Variants in GHR observed in about 807,000 individuals in gnomAD.
The protein encoded by GHR is GH receptor.
GHR carries 35 observed loss-of-function variants against 67.1 expected under a neutral mutation model. The ratio of observed to expected loss-of-function variants is 0.52; its 90% confidence interval spans 0.40 to 0.69. The LOEUF is 0.69. Ranked by LOEUF, GHR falls within the 30% of genes least tolerant of loss-of-function variation. GHR has a pLI of 0.00. For missense variants in GHR, 792 were observed against 764.6 expected (o/e 1.04, Z -0.42); for synonymous variants, 272 against 269.1 (o/e 1.01, Z -0.10).
At chr5:42,529,226 T>C (rs1454253673) in intron 1 of GHR, among the ~76,000 whole-genome samples, 1 of 152,126 alleles carries the variant, frequency 6.6e-6, no homozygotes, top group African/African-American at 2.4e-5. Context: ...TTAGCCAGGA[T>C]GGTCTTCATC....
In GHR at chr5:42,620,157, A is replaced by G. The variant is rs534875179; in HGVS notation, c.71-8881A>G. Among the ~76,000 whole-genome samples the G allele has an allele frequency of 2.6e-5, 4 of 152,260 alleles. No homozygotes were observed. The South Asian group carries it at 8.3e-4, about 32-fold the overall frequency. ...TGTTGACTTTGCCTCAAATTTGAGC[A>G]TTCATGGTTCCAAAAGGACACTTGT... On this transcript the variant is annotated intron_variant, in intron 2 of 9. Transcript: ENST00000230882.
intron 3 of GHR, among the ~76,000 whole-genome samples, chr5:42,678,499 G>T (rs536833243): frequency 3.3e-5 from 5 of 152,010 alleles, no homozygotes; most frequent in African/African-American, 1.2e-4. Flanking sequence ...ATCCCTGATC[G>T]CCATGCTGTC....
intron 3 of GHR, among the ~76,000 whole-genome samples, chr5:42,635,412 A>G (rs1280033624): frequency 1.3e-5 from 2 of 152,348 alleles, no homozygotes; most frequent in South Asian, 2.1e-4. Flanking sequence ...GATATTGCCA[A>G]TGCAATGAGT....
At chr5:42,608,907 A>AT (rs1200389657) in intron 2 of GHR, among the ~76,000 whole-genome samples, 2 of 152,072 alleles carry the variant, frequency 1.3e-5, no homozygotes, top group East Asian at 1.9e-4. Context: ...ATTGTACTCT[A>AT]TTTTTTCTGG....
intron 3 of GHR, among the ~76,000 whole-genome samples, chr5:42,652,665 G>A (rs1016462346): frequency 4.6e-5 from 7 of 152,070 alleles, no homozygotes; most frequent in Non-Finnish European, 8.8e-5. Flanking sequence ...TGTTTACCAG[G>A]TAAACTAAGC....
At chr5:42,606,082 G>A (rs1752617645) in intron 2 of GHR, among the ~76,000 whole-genome samples, 1 of 152,148 alleles carries the variant, frequency 6.6e-6, no homozygotes, top group African/African-American at 2.4e-5. Context: ...AGCTCCCAGA[G>A]CTAGGTGATT....
chr5:42,660,753 T>C (rs1453987815), intron 3 of GHR, among the ~76,000 whole-genome samples: 2 of 152,196 alleles, frequency 1.3e-5, no homozygotes, highest in Admixed American at 1.3e-4. Flanking sequence ...GGAACAAAGC[T>C]GGACGGAGAA....
rs1485368494 is a variant in GHR, at chr5:42,719,371, C to T, written c.1864C>T (p.Leu622Phe). 1.9e-6 allele frequency: 3 copies of T among 1,614,024 alleles called. No individual in the cohort carries two copies. In the Admixed American group the frequency reaches 5.0e-5, roughly 27 times the overall value. The part of the protein sequence containing the change: ...TALPLPDKEF[L>F]SSCGYVSTDQ... Reference sequence around the variant, plus strand: ...CTTGCCCTTGCCTGACAAAGAGTTTCTCTCATCATGTGGCTATGTGAGCAC... The same window carrying T: ...CTTGCCCTTGCCTGACAAAGAGTTTTTCTCATCATGTGGCTATGTGAGCAC... Residue 622 changes from leucine to phenylalanine, a missense_variant, in exon 10 of 10, where the codon CTC becomes TTC. By Grantham distance (22) the Leu-to-Phe change is conservative. Coordinates refer to ENST00000230882, the MANE Select transcript of GHR (RefSeq NM_000163.5).
intron 3 of GHR, among the ~76,000 whole-genome samples, chr5:42,647,145 T>C (rs1221353402): frequency 1.3e-5 from 2 of 152,078 alleles, no homozygotes; most frequent in South Asian, 2.1e-4. Context: ...ATTATAACAT[T>C]ATGGTTGAGA....
intron 1 of GHR, among the ~76,000 whole-genome samples, chr5:42,482,385 A>G (rs1409430766): frequency 1.3e-5 from 2 of 152,142 alleles, no homozygotes; most frequent in African/African-American, 2.4e-5. Flanking sequence ...GCGTGCTGGG[A>G]GAACCACTAC....
At chr5:42,540,844 C>G (rs912573427) in intron 1 of GHR, among the ~76,000 whole-genome samples, 1 of 152,158 alleles carries the variant, frequency 6.6e-6, no homozygotes, top group African/African-American at 2.4e-5. Context: ...CAACCAATAT[C>G]AGTGTTCCCA....
intron 1 of GHR, among the ~76,000 whole-genome samples, chr5:42,491,974 A>T (rs923689374): frequency 8.5e-5 from 13 of 152,262 alleles, no homozygotes; most frequent in African/African-American, 3.1e-4. Flanking sequence ...TGAGGAATGC[A>T]TGAAAGAATG....
chr5:42,495,530 C>T (rs1328238234), intron 1 of GHR, among the ~76,000 whole-genome samples: 1 of 151,988 alleles, frequency 6.6e-6, no homozygotes, highest in Non-Finnish European at 1.5e-5. Context: ...TCACCCCCAC[C>T]CCTAGTCACC....
chr5:42,459,671 GA>G (rs75326296), intron 1 of GHR, among the ~76,000 whole-genome samples: 15,507 of 150,924 alleles, frequency 0.1, 1,096 homozygotes, highest in East Asian at 0.34. Flanking sequence ...AAAGTTAAAA[GA>G]AAAAAAAATG....
At chr5:42,632,127 A>G (rs962246759) in intron 3 of GHR, among the ~76,000 whole-genome samples, 1 of 152,156 alleles carries the variant, frequency 6.6e-6, no homozygotes, top group African/African-American at 2.4e-5. Flanking sequence ...CCTAAACATT[A>G]AACTTCAAAC....
chr5:42,472,914 C>G (rs976773997), intron 1 of GHR, among the ~76,000 whole-genome samples: 7 of 152,084 alleles, frequency 4.6e-5, no homozygotes, highest in African/African-American at 1.7e-4. Flanking sequence ...GATGTCACCT[C>G]CCTTAGGTTG....
Position 42,630,096 on chromosome 5 carries a change from C to G in GHR, c.136+993C>G, listed in dbSNP as rs1469889786. On this transcript the variant is annotated intron_variant, in intron 3 of 9. Transcript: ENST00000230882. ...CTTCTCTGCTTCCATGGAACTTTGT[C>G]CTTTACAACATGATAGCGTTTGCCT... Among the ~76,000 whole-genome samples the G allele has an allele frequency of 2.3e-5, 3 of 132,040 alleles. 1 individual carries two copies. The highest frequency in any genetic ancestry group is 9.6e-5 in the African/African-American group (3 of 31,284). 86.6% of individuals were successfully genotyped at this position (132,040 alleles called of 152,430 possible).
chr5:42,608,232 TTGG>T (rs1431744248), intron 2 of GHR, among the ~76,000 whole-genome samples: 1 of 152,044 alleles, frequency 6.6e-6, no homozygotes, highest in African/African-American at 2.4e-5. Flanking sequence ...TAAATTTTAG[TTGG>T]TACTTTTGTT....
At chr5:42,549,223 C>A (rs1399596751) in intron 1 of GHR, among the ~76,000 whole-genome samples, 2 of 152,196 alleles carry the variant, frequency 1.3e-5, no homozygotes, top group Admixed American at 1.3e-4. Flanking sequence ...GTGATGGGAA[C>A]CACCACTTAT....
Sources: gnomAD v4.1 joint callset for allele counts (sites outside exome capture counted in the v4.1 genomes callset) on GRCh38, gnomAD v4.1.1 for gene constraint, MANE v1.5 for transcripts, NCBI Gene and HGNC (gene_info 2026-07-23, HGNC 2026-07-21) for gene names.